TDRD3: variants seen among roughly 807,000 people sequenced by gnomAD.
The protein encoded by TDRD3 is tudor domain containing 3.
TDRD3 carries 45 observed loss-of-function variants against 86.7 expected under a neutral mutation model. That is an observed-to-expected ratio of 0.52 (90% CI 0.41 to 0.67). TDRD3 has a LOEUF of 0.67. Ranked by LOEUF, TDRD3 falls within the 30% of genes least tolerant of loss-of-function variation. The pLI is 0.00. For synonymous variants in TDRD3, 298 were observed against 301.7 expected (o/e 0.99, Z 0.13); for missense variants, 814 against 889.0 (o/e 0.92, Z 1.07).
At chr13:60,441,015 G>C (rs917673960) in intron 2 of TDRD3, among the ~76,000 whole-genome samples, 3 of 151,830 alleles carry the variant, frequency 2.0e-5, no homozygotes, top group Admixed American at 6.6e-5. Context: ...CTTTTTTTCA[G>C]CTTCTTTGAA....
chr13:60,423,217 TA>T (rs1465026718), intron 1 of TDRD3, among the ~76,000 whole-genome samples: 1 of 152,138 alleles, frequency 6.6e-6, no homozygotes, highest in African/African-American at 2.4e-5. Context: ...TAAGGCCATA[TA>T]AAAATAGTTT....
Position 60,528,596 on chromosome 13 carries a change from T to C in TDRD3, c.1371T>C (p.Ser457=). 6.2e-7 allele frequency: 1 copy of C among 1,614,078 alleles called. No homozygotes were observed. Among genetic ancestry groups the C allele is most frequent in the Non-Finnish European group, 8.5e-7 (1 of 1,179,960 alleles). Residue 457 remains serine (S), a synonymous_variant, in exon 11 of 14, where the codon TCT becomes TCC. Transcript: ENST00000377881. ...RNRGSERPST[S]SVSEVWAEDR... ...GAGGTTCTGAAAGACCAAGTACTTC[T>C]TCAGTATCTGAAGTATGGGCTGAAG... is the stretch of plus-strand genomic sequence containing the variant.
chr13:60,434,623 A>T (rs1955044753), intron 1 of TDRD3, among the ~76,000 whole-genome samples: 1 of 152,030 alleles, frequency 6.6e-6, no homozygotes, highest in Admixed American at 6.6e-5. Context: ...ATGTATTCAG[A>T]TGTTGTCATA....
At chr13:60,435,730 C>T (rs1032783106) in intron 1 of TDRD3, among the ~76,000 whole-genome samples, 2 of 152,076 alleles carry the variant, frequency 1.3e-5, no homozygotes, top group Non-Finnish European at 2.9e-5. Flanking sequence ...CTACAGTAAA[C>T]GTGTGTGCAT....
At chr13:60,535,052 T>C in intron 11 of TDRD3, 56 bp from the exon 12 acceptor site, 1 of 1,587,880 alleles carries the variant, frequency 6.3e-7, no homozygotes, top group Non-Finnish European at 8.6e-7. Context: ...CCCTCAAATA[T>C]TGCCCTTTAT....
chr13:60,402,499 TTTAATA>T (rs1424277252), intron 1 of TDRD3, among the ~76,000 whole-genome samples: 3 of 152,148 alleles, frequency 2.0e-5, no homozygotes, highest in Non-Finnish European at 4.4e-5. Flanking sequence ...CTTTATAAGG[TTTAATA>T]TTAAGTGCAG....
intron 8 of TDRD3, among the ~76,000 whole-genome samples, chr13:60,505,257 A>G (rs9538723): frequency 0.15 from 22,833 of 152,108 alleles, 2,156 homozygotes; most frequent in South Asian, 0.28. Context: ...GGTTGGGGAG[A>G]GGGGTGTCTG....
chr13:60,408,564 G>A lies in TDRD3; in HGVS notation c.41+11159G>A, dbSNP rs572214034. 7.9e-5 allele frequency among the ~76,000 whole-genome samples: 12 copies of A among 152,222 alleles called. No homozygotes were observed. The South Asian group carries it at 2.3e-3, about 29-fold the overall frequency. Reference sequence around the variant, plus strand: ...GGAGATGAGGAACTTGTTGGGAACTGGGTGACTCTTGTTATGTTTTAGCAA... The same window carrying A: ...GGAGATGAGGAACTTGTTGGGAACTAGGTGACTCTTGTTATGTTTTAGCAA... On this transcript the variant is annotated intron_variant, in intron 1 of 13. Transcript: ENST00000377881.
At chr13:60,513,846 A>G (rs994400771) in intron 10 of TDRD3, among the ~76,000 whole-genome samples, 4 of 152,202 alleles carry the variant, frequency 2.6e-5, no homozygotes, top group Non-Finnish European at 5.9e-5. Context: ...TTTTTCCTGT[A>G]TAAATTACCC....
chr13:60,455,562 A>C (rs1206553524), intron 3 of TDRD3, among the ~76,000 whole-genome samples: 1 of 152,234 alleles, frequency 6.6e-6, no homozygotes, highest in Non-Finnish European at 1.5e-5. Flanking sequence ...TTAAGACTTT[A>C]AGTAGATAAA....
intron 9 of TDRD3, among the ~76,000 whole-genome samples, chr13:60,510,159 C>T (rs991079158): frequency 6.6e-6 from 1 of 152,056 alleles, no homozygotes. Context: ...TCTAACAATA[C>T]CTTATTTAAC....
intron 4 of TDRD3, 60 bp from the exon 5 acceptor site, chr13:60,467,178 G>T (rs9538715): frequency 1.3e-6 from 2 of 1,589,392 alleles, no homozygotes; most frequent in Non-Finnish European, 1.7e-6. Flanking sequence ...GTTGTTTCCC[G>T]CCCTGTGTCC....
chr13:60,498,577 C>CT (rs1566245830), intron 8 of TDRD3, among the ~76,000 whole-genome samples: 1 of 152,112 alleles, frequency 6.6e-6, no homozygotes, highest in Non-Finnish European at 1.5e-5. Context: ...GGACAAAAGA[C>CT]TAATTTGAAT....
At chr13:60,525,036 A>G (rs1566271506) in intron 10 of TDRD3, among the ~76,000 whole-genome samples, 1 of 137,258 alleles carries the variant, frequency 7.3e-6, no homozygotes. Context: ...GCAGTGAGCC[A>G]AGATCACGCC....
intron 1 of TDRD3, among the ~76,000 whole-genome samples, chr13:60,418,971 A>G (rs560374915): frequency 6.6e-6 from 1 of 152,330 alleles, no homozygotes; most frequent in East Asian, 1.9e-4. Flanking sequence ...TTTGATAGAC[A>G]ATAACCAGTT....
intron 8 of TDRD3, among the ~76,000 whole-genome samples, chr13:60,495,719 C>A (rs556099000): frequency 2.6e-5 from 4 of 152,118 alleles, no homozygotes; most frequent in South Asian, 2.1e-4. Flanking sequence ...CCCGCTTCTT[C>A]GGCCTCCCAA....
intron 13 of TDRD3, among the ~76,000 whole-genome samples, chr13:60,573,380 T>C (rs1958631188): frequency 6.6e-6 from 1 of 152,208 alleles, no homozygotes; most frequent in Non-Finnish European, 1.5e-5. Context: ...GTGGCAGAGA[T>C]GTACTTTAAC....
chr13:60,425,241 C>T (rs1025611575), intron 1 of TDRD3, among the ~76,000 whole-genome samples: 1 of 152,118 alleles, frequency 6.6e-6, no homozygotes, highest in Non-Finnish European at 1.5e-5. Context: ...ATAAAAATGT[C>T]TAAGAGGTGT....
intron 3 of TDRD3, among the ~76,000 whole-genome samples, chr13:60,448,343 T>A (rs1955455818): frequency 6.6e-6 from 1 of 152,158 alleles, no homozygotes. Flanking sequence ...GTCTTAATAA[T>A]TGCTACTATC....
Sources: allele counts gnomAD v4.1 joint callset (sites outside exome capture counted in the v4.1 genomes callset), GRCh38; gene constraint gnomAD v4.1.1; transcripts MANE v1.5; gene names NCBI Gene and HGNC (gene_info 2026-07-23, HGNC 2026-07-21).